Variants in STOML3 observed in about 807,000 individuals in gnomAD.
The protein encoded by STOML3 is stomatin-like protein 3.
A neutral mutation model predicts 29.5 loss-of-function variants in STOML3; 31 were observed. The observed-to-expected ratio is 1.05, with a 90% CI of 0.79 to 1.42. The LOEUF is 1.42. STOML3 is among the 40% of genes most tolerant of loss of function. STOML3 has a pLI of 0.00. For synonymous variants in STOML3, 122 were observed against 139.8 expected, an observed-to-expected ratio of 0.87 and a Z score of 0.90; for missense variants, 380 against 363.0, an observed-to-expected ratio of 1.05 and a Z score of -0.38.
At chr13:38,981,536 A>G (rs367646223) in intron 1 of STOML3, among the ~76,000 whole-genome samples, 1 of 152,220 alleles carries the variant, frequency 6.6e-6, no homozygotes, top group South Asian at 2.1e-4. Context: ...AGCTTGGTCA[A>G]GAGTATTTAA....
chr13:38,974,358 C>T (rs2138012077), intron 3 of STOML3, among the ~76,000 whole-genome samples: 1 of 152,160 alleles, frequency 6.6e-6, no homozygotes, highest in East Asian at 1.9e-4. Flanking sequence ...GAAGTGCTTT[C>T]TTTCTTTTGG....
chr13:38,979,900 C>T (rs1276555395), intron 1 of STOML3, among the ~76,000 whole-genome samples: 1 of 152,166 alleles, frequency 6.6e-6, no homozygotes, highest in Non-Finnish European at 1.5e-5. Flanking sequence ...GGGGCTATGA[C>T]TAGCAGCACA....
intron 1 of STOML3, among the ~76,000 whole-genome samples, chr13:38,989,842 T>A (rs1046598941): frequency 1.1e-4 from 16 of 152,114 alleles, no homozygotes; most frequent in African/African-American, 3.6e-4. Flanking sequence ...GTGTTCTCTA[T>A]TTCTAACATG....
At chr13:38,984,405 G>C (rs1868426145) in intron 1 of STOML3, among the ~76,000 whole-genome samples, 1 of 152,128 alleles carries the variant, frequency 6.6e-6, no homozygotes. Context: ...ACCTTTGGGT[G>C]CTCCTCTTTT....
intron 1 of STOML3, among the ~76,000 whole-genome samples, chr13:38,983,091 T>C (rs906652828): frequency 4.6e-5 from 7 of 152,098 alleles, no homozygotes; most frequent in Non-Finnish European, 8.8e-5. Flanking sequence ...CTCTTTAAAT[T>C]CAGTGCCCTC....
At chr13:38,989,072 T>C (rs1241451187) in intron 1 of STOML3, among the ~76,000 whole-genome samples, 1 of 149,588 alleles carries the variant, frequency 6.7e-6, no homozygotes, top group Non-Finnish European at 1.5e-5. Context: ...TTTATATATA[T>C]CTGAGTTGCA....
chr13:38,976,814 A>C lies in STOML3; in HGVS notation c.53-17T>G. 1 of 1,604,686 alleles carries C rather than the reference A, an allele frequency of 6.2e-7. No individual in the cohort carries two copies. The highest frequency in any genetic ancestry group is 8.5e-7 in the Non-Finnish European group (1 of 1,173,262). On this transcript the variant is annotated splice_polypyrimidine_tract_variant and intron_variant, in intron 1 of 6. Transcript: ENST00000379631. ...TGTTGACACCTAGGAAATGAGAAGG[A>C]AGCAAATATGTGATCAATGTGGTTA...
intron 1 of STOML3, among the ~76,000 whole-genome samples, chr13:38,977,954 G>T (rs1014627152): frequency 1.3e-5 from 2 of 151,290 alleles, no homozygotes; most frequent in Admixed American, 6.6e-5. Context: ...TAGAGGCGAG[G>T]ATTCACCATG....
chr13:38,976,625 G>C lies in STOML3; in HGVS notation c.157-13C>G, dbSNP rs9594316. 8,149 of 1,614,116 alleles carry C rather than the reference G, an allele frequency of 5.0e-3. 226 individuals are homozygous for C. In the African/African-American group the frequency reaches 0.063, roughly 13 times the overall value. ...ACTCCTTAATGATCTAGGAGATTAA[G>C]GGCGAACGTTTAGTCCTAATGGTTT... On this transcript the variant is annotated splice_polypyrimidine_tract_variant and intron_variant, in intron 2 of 6. Coordinates refer to ENST00000379631, the MANE Select transcript of STOML3 (RefSeq NM_145286.3).
Position 38,968,541 on chromosome 13 carries a change from C to T in STOML3, c.517-7G>A, listed in dbSNP as rs746896661. ...TGGCATCATCAAGTAAAGTCTGTTTCCAAATTAAAAGGGAAGACTAATAAG... is the reference window on the plus strand; with the variant it reads ...TGGCATCATCAAGTAAAGTCTGTTTTCAAATTAAAAGGGAAGACTAATAAG... On this transcript the variant is annotated splice_polypyrimidine_tract_variant and splice_region_variant and intron_variant, in intron 5 of 6. Coordinates refer to ENST00000379631, the MANE Select transcript of STOML3 (RefSeq NM_145286.3). The T allele has an allele frequency of 9.3e-6, 15 of 1,613,752 alleles. No individual in the cohort carries two copies. The African/African-American group carries it at 1.9e-4, about 20-fold the overall frequency.
At chr13:38,977,898 T>C (rs996326431) in intron 1 of STOML3, among the ~76,000 whole-genome samples, 4 of 151,582 alleles carry the variant, frequency 2.6e-5, no homozygotes, top group Admixed American at 2.0e-4. Context: ...TAGCTGGGAC[T>C]ACAGGCTCCC....
chr13:38,967,072 G>A (rs1410288743), intron 6 of STOML3, 23 bp from the exon 7 acceptor site: 6 of 1,602,618 alleles, frequency 3.7e-6, no homozygotes, highest in Middle Eastern at 1.7e-4. Flanking sequence ...AAATAAAATC[G>A]TTCAGAAATA....
In STOML3 at chr13:38,966,708, A is replaced by G; in HGVS notation, c.*117T>C. On this transcript the variant is annotated 3_prime_UTR_variant, in exon 7 of 7. Transcript: ENST00000379631. ...AGCTTTTTCCTGCCAATGCTCTTCCATCTATGGAGTTACTGTTACATGAAC... is the reference window on the plus strand; with the variant it reads ...AGCTTTTTCCTGCCAATGCTCTTCCGTCTATGGAGTTACTGTTACATGAAC... The G allele has an allele frequency of 2.3e-6, 2 of 877,056 alleles. No homozygotes were observed. The highest frequency in any genetic ancestry group is 1.6e-5 in the South Asian group (1 of 61,320). 54.3% of individuals were successfully genotyped at this position (877,056 alleles called of 1,614,324 possible).
chr13:38,968,319 C>A, intron 6 of STOML3, 81 bp downstream of exon 6: 1 of 1,530,640 alleles, frequency 6.5e-7, no homozygotes, highest in Non-Finnish European at 8.9e-7. Context: ...TTGACAGACC[C>A]AATCTTCTGT....
intron 1 of STOML3, among the ~76,000 whole-genome samples, chr13:38,978,115 C>A (rs1442019134): frequency 6.6e-6 from 1 of 151,472 alleles, no homozygotes; most frequent in African/African-American, 2.4e-5. Context: ...ATTTAGAATT[C>A]TTTATAGTCA....
rs1474734654 is a variant in STOML3 at position 38,966,448 on chromosome 13, T to C, written c.*377A>G. The C allele has an allele frequency of 6.5e-6, 1 of 154,268 alleles. No individual in the cohort carries two copies. The highest frequency in any genetic ancestry group is 6.6e-5 in the Admixed American group (1 of 15,216). 9.6% of individuals were successfully genotyped at this position (154,268 alleles called of 1,614,324 possible). ...ATATAGTGTAAATATGAGGCCTATG[T>C]TACTCTATAAATTATCTGGAGTGCT... On this transcript the variant is annotated 3_prime_UTR_variant, in exon 7 of 7. Coordinates refer to ENST00000379631, the MANE Select transcript of STOML3 (RefSeq NM_145286.3).
rs768795043 is a variant in STOML3 at position 38,976,526 on chromosome 13, C to A, written c.229+14G>T. 3.1e-6 allele frequency: 5 copies of A among 1,613,868 alleles called. No individual in the cohort carries two copies. Among genetic ancestry groups the A allele is most frequent in the African/African-American group, 1.3e-5 (1 of 74,908 alleles). On this transcript the variant is annotated intron_variant, in intron 3 of 6. Coordinates refer to ENST00000379631, the MANE Select transcript of STOML3 (RefSeq NM_145286.3). ...TCCCTGATCTTTCAGGGGCAGCCAC[C>A]GCGTCATTCATACCTGGCCCCTTGG...
chr13:38,967,444 T>C (rs1217313200), intron 6 of STOML3, among the ~76,000 whole-genome samples: 2 of 152,214 alleles, frequency 1.3e-5, no homozygotes, highest in African/African-American at 4.8e-5. Flanking sequence ...TTTTTAGTTA[T>C]CTTAGATGTT....
chr13:38,983,346 G>A (rs1881330672), intron 1 of STOML3, among the ~76,000 whole-genome samples: 1 of 152,146 alleles, frequency 6.6e-6, no homozygotes, highest in Non-Finnish European at 1.5e-5. Flanking sequence ...CATTGCAATA[G>A]CTTTGAATAA....
Sources: gnomAD v4.1 joint callset for allele counts (sites outside exome capture counted in the v4.1 genomes callset) on GRCh38, gnomAD v4.1.1 for gene constraint, MANE v1.5 for transcripts, NCBI Gene and HGNC (gene_info 2026-07-23, HGNC 2026-07-21) for gene names.